Variants in STON2 observed in about 807,000 individuals in gnomAD.
STON2 encodes stonin 2, also known as stonin-2.
In STON2, 29 loss-of-function variants were observed where a neutral mutation model predicts 65.7. That is an observed-to-expected ratio of 0.44 (90% confidence interval 0.33 to 0.60). STON2 has a LOEUF of 0.60. Among genes scored for constraint, STON2 ranks in the 20% least tolerant of loss-of-function variants. The pLI is 0.03. For missense variants in STON2, 1,054 were observed against 1,118.1 expected (o/e 0.94, Z 0.82); for synonymous variants, 404 against 414.2 (o/e 0.98, Z 0.30).
At chr14:81,292,131 T>TG (rs1895582527) in intron 5 of STON2, among the ~76,000 whole-genome samples, 1 of 152,240 alleles carries the variant, frequency 6.6e-6, no homozygotes, top group Admixed American at 6.5e-5. Context: ...TTCAGCTAAA[T>TG]GTCGACTTTA....
chr14:81,276,255 A>C (rs2140115084), intron 6 of STON2, among the ~76,000 whole-genome samples: 1 of 152,280 alleles, frequency 6.6e-6, no homozygotes, highest in South Asian at 2.1e-4. Flanking sequence ...GCTGGTAAGC[A>C]TTTTTTTGTT....
rs139768546 is a variant in STON2, at chr14:81,396,105, A to G, written c.162T>C (p.His54=). 2.5e-5 allele frequency: 40 copies of G among 1,614,050 alleles called. No individual in the cohort carries two copies. The African/African-American group carries it at 5.1e-4, about 20-fold the overall frequency. Reference sequence around the variant, plus strand: ...GGTCTTGAGAGCCTCCATCCACCACATGGTTCTCCCCGGAGGAGCTCTCGG... The same window carrying G: ...GGTCTTGAGAGCCTCCATCCACCACGTGGTTCTCCCCGGAGGAGCTCTCGG... ...DQSESSSGEN[H]VVDGGSQDHS... Residue 54 remains histidine (H), a synonymous_variant, in exon 3 of 8, where the codon CAT becomes CAC. Transcript: ENST00000614646.
chr14:81,397,085 A>G (rs1003385354), intron 2 of STON2, among the ~76,000 whole-genome samples: 2 of 152,160 alleles, frequency 1.3e-5, no homozygotes, highest in South Asian at 2.1e-4. Flanking sequence ...CAAAAAAACT[A>G]TATCCTGATT....
chr14:81,369,184 C>T (rs1898875778), intron 4 of STON2, among the ~76,000 whole-genome samples: 1 of 152,124 alleles, frequency 6.6e-6, no homozygotes, highest in Non-Finnish European at 1.5e-5. Flanking sequence ...TAGGTGGTCC[C>T]TTCATTAAGC....
chr14:81,269,204 C>G, intron 7 of STON2: 2 of 498,476 alleles, frequency 4.0e-6, no homozygotes, highest in Non-Finnish European at 5.2e-6. Context: ...CAGGGTTTCA[C>G]CATATTGGCC....
intron 5 of STON2, among the ~76,000 whole-genome samples, chr14:81,300,356 A>G (rs1895925221): frequency 6.6e-6 from 1 of 152,120 alleles, no homozygotes; most frequent in South Asian, 2.1e-4. Flanking sequence ...ACATAGAAAA[A>G]TATCTCCATG....
Position 81,328,204 on chromosome 14 carries a change from T to C in STON2, c.572-4017A>G, listed in dbSNP as rs147909027. 6.9e-3 allele frequency among the ~76,000 whole-genome samples: 1,055 copies of C among 152,232 alleles called. 9 individuals are homozygous for C. The highest frequency in any genetic ancestry group is 0.024 in the African/African-American group (1,012 of 41,540). ...ATCAAGTGAGTAACTTCAGGGATGATTGGCTTTACTTTGTCTCAAGCTGAT... is the reference window on the plus strand; with the variant it reads ...ATCAAGTGAGTAACTTCAGGGATGACTGGCTTTACTTTGTCTCAAGCTGAT... On this transcript the variant is annotated intron_variant, in intron 4 of 7. Coordinates refer to ENST00000614646, the MANE Select transcript of STON2 (RefSeq NM_001394390.1).
At chr14:81,321,295 C>T (rs1446241429) in intron 5 of STON2, among the ~76,000 whole-genome samples, 1 of 151,306 alleles carries the variant, frequency 6.6e-6, no homozygotes, top group East Asian at 1.9e-4. Context: ...CTTTGGGAGG[C>T]CAAGGCAAAA....
intron 3 of STON2, among the ~76,000 whole-genome samples, chr14:81,377,499 C>T (rs762944729): frequency 7.9e-5 from 12 of 152,104 alleles, no homozygotes; most frequent in Non-Finnish European, 1.0e-4. Flanking sequence ...TTTGTATGAA[C>T]GTAAGTTTCC....
intron 5 of STON2, among the ~76,000 whole-genome samples, chr14:81,291,676 AAACT>A (rs1895559009): frequency 6.6e-6 from 1 of 152,092 alleles, no homozygotes; most frequent in African/African-American, 2.4e-5. Context: ...TTATTAGAAT[AAACT>A]AATAAATTTA....
chr14:81,354,246 C>T (rs1898134996), intron 4 of STON2, among the ~76,000 whole-genome samples: 1 of 152,210 alleles, frequency 6.6e-6, no homozygotes, highest in Admixed American at 6.5e-5. Flanking sequence ...TACTGGAGCC[C>T]AGCCAGCTGC....
chr14:81,313,992 T>C (rs937750457), intron 5 of STON2, among the ~76,000 whole-genome samples: 2 of 152,092 alleles, frequency 1.3e-5, no homozygotes, highest in African/African-American at 4.8e-5. Flanking sequence ...AGAGGTGATG[T>C]GGTGTGTGAC....
At chr14:81,303,037 G>C (rs1418989877) in intron 5 of STON2, among the ~76,000 whole-genome samples, 1 of 148,484 alleles carries the variant, frequency 6.7e-6, no homozygotes, top group Non-Finnish European at 1.5e-5. Context: ...ATGGAGTTCA[G>C]TGAGGGTGTA....
intron 2 of STON2, among the ~76,000 whole-genome samples, chr14:81,406,666 G>A (rs1417385303): frequency 6.6e-6 from 1 of 152,178 alleles, no homozygotes; most frequent in Non-Finnish European, 1.5e-5. Context: ...TGCTTGAGAT[G>A]TTAATAAGAC....
At chr14:81,423,427 T>C (rs750147841) in intron 2 of STON2, among the ~76,000 whole-genome samples, 2 of 152,174 alleles carry the variant, frequency 1.3e-5, no homozygotes, top group African/African-American at 2.4e-5. Context: ...GGACTCCCTG[T>C]TAAAAACTGT....
At chr14:81,436,266 G>C (rs1349532939) in intron 1 of STON2, 2 of 151,568 alleles carry the variant, frequency 1.3e-5, no homozygotes, top group Non-Finnish European at 3.0e-5. Flanking sequence ...TCCACCTGCG[G>C]GGCCCCTCTT....
intron 5 of STON2, among the ~76,000 whole-genome samples, chr14:81,308,058 A>T (rs6574643): frequency 0.79 from 119,702 of 152,040 alleles, 47,272 homozygotes; most frequent in African/African-American, 0.8. Flanking sequence ...ATCTTTTATT[A>T]GGACACAGAA....
intron 1 of STON2, among the ~76,000 whole-genome samples, chr14:81,432,896 T>A (rs537964403): frequency 6.6e-6 from 1 of 152,342 alleles, no homozygotes; most frequent in South Asian, 2.1e-4. Flanking sequence ...ACTCTTCTAT[T>A]CAGATATTTA....
At chr14:81,269,980 A>G in intron 7 of STON2, 9 of 985,366 alleles carry the variant, frequency 9.1e-6, no homozygotes, top group Non-Finnish European at 1.1e-5. Flanking sequence ...ATCAACTCTA[A>G]CTGAAGCATA....
Sources: allele counts gnomAD v4.1 joint callset (sites outside exome capture counted in the v4.1 genomes callset), GRCh38; gene constraint gnomAD v4.1.1; transcripts MANE v1.5; gene names NCBI Gene and HGNC (gene_info 2026-07-23, HGNC 2026-07-21).